ROBO1: variants seen among roughly 807,000 people sequenced by gnomAD.
The protein encoded by ROBO1 is roundabout guidance receptor 1.
A neutral mutation model predicts 195.9 loss-of-function variants in ROBO1; 149 were observed. The ratio of observed to expected loss-of-function variants is 0.76; its 90% CI spans 0.67 to 0.87. ROBO1 has a LOEUF of 0.87. Ranked by LOEUF, ROBO1 falls within the 40% of genes least tolerant of loss-of-function variation. The pLI, the probability that ROBO1 is intolerant of heterozygous loss-of-function variation, is 0.00. For missense variants in ROBO1, 1,933 were observed against 2,068.3 expected (o/e 0.93, Z 1.27); for synonymous variants, 816 against 733.2 (o/e 1.11, Z -1.82).
intron 2 of ROBO1, among the ~76,000 whole-genome samples, chr3:79,257,179 A>C (rs2108929030): frequency 6.6e-6 from 1 of 152,316 alleles, no homozygotes; most frequent in East Asian, 1.9e-4. Context: ...ATTTAAGCAT[A>C]TCTTTAAACT....
Position 78,891,907 on chromosome 3 carries a change from G to A in ROBO1, c.499+46694C>T, listed in dbSNP as rs534030044. Among the ~76,000 whole-genome samples, 7 of 152,320 alleles carry A rather than the reference G, an allele frequency of 4.6e-5. No individual in the cohort carries two copies. The South Asian group carries it at 1.4e-3, about 32-fold the overall frequency. On this transcript the variant is annotated intron_variant, in intron 4 of 30. Coordinates refer to ENST00000464233, the MANE Select transcript of ROBO1 (RefSeq NM_002941.4). ...GCAAAACTAATCTGCTGTGATAGAT[G>A]TCTAAACAGTGGTTGCCTCTCAAGA...
At chr3:78,924,693 T>G (rs907455280) in intron 4 of ROBO1, among the ~76,000 whole-genome samples, 2 of 151,828 alleles carry the variant, frequency 1.3e-5, no homozygotes, top group Non-Finnish European at 2.9e-5. Flanking sequence ...CTCCCCTAAG[T>G]AGCATTAATC....
chr3:79,131,619 CT>C (rs2080309132), intron 2 of ROBO1, among the ~76,000 whole-genome samples: 1 of 170 alleles, frequency 5.9e-3, no homozygotes, highest in African/African-American at 6.1e-3. Flanking sequence ...TTTGTTGATC[CT>C]TTCAAAAAAC....
intron 2 of ROBO1, among the ~76,000 whole-genome samples, chr3:79,524,266 C>T (rs1941339200): frequency 6.6e-6 from 1 of 151,726 alleles, no homozygotes; most frequent in African/African-American, 2.4e-5. Context: ...TAAATTTGAA[C>T]TGTAAACATC....
intron 4 of ROBO1, among the ~76,000 whole-genome samples, chr3:78,927,214 C>T (rs2039272031): frequency 6.6e-6 from 1 of 152,072 alleles, no homozygotes; most frequent in South Asian, 2.1e-4. Context: ...CTATTATATT[C>T]TTCAATATAG....
intron 2 of ROBO1, among the ~76,000 whole-genome samples, chr3:79,522,485 A>G (rs1941249785): frequency 6.6e-6 from 1 of 152,106 alleles, no homozygotes; most frequent in Non-Finnish European, 1.5e-5. Context: ...CCTTGTCTGA[A>G]ATCCTGGAGT....
intron 2 of ROBO1, among the ~76,000 whole-genome samples, chr3:79,314,889 G>T (rs1046803697): frequency 6.6e-6 from 1 of 152,190 alleles, no homozygotes; most frequent in African/African-American, 2.4e-5. Context: ...TATTCTAATA[G>T]CTGTTAAGGA....
chr3:79,360,751 A>G (rs1367698852), intron 2 of ROBO1, among the ~76,000 whole-genome samples: 1 of 152,056 alleles, frequency 6.6e-6, no homozygotes, highest in Non-Finnish European at 1.5e-5. Flanking sequence ...TAGGTCATGG[A>G]GGAGCTGAGA....
At chr3:78,888,497 T>C (rs930117395) in intron 4 of ROBO1, among the ~76,000 whole-genome samples, 2 of 152,220 alleles carry the variant, frequency 1.3e-5, no homozygotes, top group Admixed American at 6.5e-5. Flanking sequence ...AGAAATTCAT[T>C]TTCTTGCTCG....
intron 1 of ROBO1, among the ~76,000 whole-genome samples, chr3:79,755,698 T>C (rs1325046218): frequency 6.6e-6 from 1 of 152,222 alleles, no homozygotes; most frequent in South Asian, 2.1e-4. Flanking sequence ...CTGTGGCTTA[T>C]TTCCAGCACC....
intron 1 of ROBO1, among the ~76,000 whole-genome samples, chr3:79,737,953 C>T (rs961872439): frequency 2.0e-5 from 3 of 152,160 alleles, no homozygotes; most frequent in Non-Finnish European, 4.4e-5. Context: ...CTTCCATACT[C>T]CCGCTGGAAA....
At chr3:78,810,667 A>G (rs942554844) in intron 4 of ROBO1, among the ~76,000 whole-genome samples, 3 of 152,102 alleles carry the variant, frequency 2.0e-5, no homozygotes, top group African/African-American at 4.8e-5. Context: ...CTGATTTACA[A>G]TGGGAAAAAA....
At chr3:79,611,919 G>T (rs1284708120) in intron 1 of ROBO1, among the ~76,000 whole-genome samples, 2 of 151,386 alleles carry the variant, frequency 1.3e-5, no homozygotes, top group Non-Finnish European at 2.9e-5. Context: ...AAGTCCAAAA[G>T]AAAATAAATA....
chr3:79,183,139 T>C (rs1231765923), intron 2 of ROBO1, among the ~76,000 whole-genome samples: 2 of 151,838 alleles, frequency 1.3e-5, no homozygotes, highest in South Asian at 2.1e-4. Flanking sequence ...CAATTGCTTT[T>C]TGCTTTTTAA....
intron 2 of ROBO1, among the ~76,000 whole-genome samples, chr3:79,509,962 A>G (rs1940614715): frequency 6.6e-6 from 1 of 152,128 alleles, no homozygotes; most frequent in South Asian, 2.1e-4. Flanking sequence ...CAAAGTCTTT[A>G]TCATCACATG....
At chr3:78,622,573 A>G (rs1454191277) in intron 26 of ROBO1, among the ~76,000 whole-genome samples, 1 of 152,176 alleles carries the variant, frequency 6.6e-6, no homozygotes, top group Non-Finnish European at 1.5e-5. Context: ...CCATAGCAAT[A>G]TCTCCCATTC....
chr3:79,200,432 T>TTA (rs1032417216), intron 2 of ROBO1, among the ~76,000 whole-genome samples: 4 of 151,790 alleles, frequency 2.6e-5, no homozygotes, highest in Non-Finnish European at 4.4e-5. Context: ...TACATATATT[T>TTA]TATATATATG....
intron 4 of ROBO1, among the ~76,000 whole-genome samples, chr3:78,756,978 G>A (rs938923535): frequency 2.6e-5 from 4 of 151,978 alleles, no homozygotes; most frequent in African/African-American, 9.7e-5. Context: ...TGCAACCTCC[G>A]CCTTCTGGGT....
rs533496996 is a variant in ROBO1, at chr3:78,627,864, T to C, written c.3627-295A>G. Among the ~76,000 whole-genome samples the C allele has an allele frequency of 3.7e-4, 57 of 152,316 alleles. 1 individual carries two copies. Among genetic ancestry groups the C allele is most frequent in the Non-Finnish European group, 6.2e-4 (42 of 68,030 alleles). ...GTACAGCCCAAATGTATTTGGTATA[T>C]TTTGTCCCTCCAATATGTTCTCTAA... is the stretch of plus-strand genomic sequence containing the variant. On this transcript the variant is annotated intron_variant, in intron 25 of 30. Coordinates refer to ENST00000464233, the MANE Select transcript of ROBO1 (RefSeq NM_002941.4).
Sources: gnomAD v4.1 joint callset for allele counts (sites outside exome capture counted in the v4.1 genomes callset) on GRCh38, gnomAD v4.1.1 for gene constraint, MANE v1.5 for transcripts, NCBI Gene and HGNC (gene_info 2026-07-23, HGNC 2026-07-21) for gene names.